GPHN: variants seen among roughly 807,000 people sequenced by gnomAD.
GPHN encodes the protein gephyrin.
In GPHN, 17 loss-of-function variants were observed where a neutral mutation model predicts 95.5. That is an observed-to-expected ratio of 0.18 (90% CI 0.12 to 0.27). GPHN has a LOEUF of 0.27. GPHN is among the 10% of genes least tolerant of loss of function. The pLI is 1.00. For synonymous variants in GPHN, 320 were observed against 322.5 expected, an observed-to-expected ratio of 0.99 and a Z score of 0.08; for missense variants, 660 against 978.1, an observed-to-expected ratio of 0.67 and a Z score of 4.34.
At chr14:66,720,560 T>A (rs1175513150) in intron 2 of GPHN, among the ~76,000 whole-genome samples, 1 of 152,188 alleles carries the variant, frequency 6.6e-6, no homozygotes, top group Non-Finnish European at 1.5e-5. Flanking sequence ...CCAGGGGGCC[T>A]TATTAGCATT....
At chr14:67,575,896 A>G in the GPHN span, 32 of 1,613,780 alleles carry the variant, frequency 2.0e-5, 1 homozygote, top group East Asian at 6.9e-4. Context: ...TCAGACGAGG[A>G]CTATGAGGCT....
intron 4 of GPHN, among the ~76,000 whole-genome samples, chr14:66,876,673 C>T (rs878855874): frequency 1.3e-5 from 2 of 152,048 alleles, no homozygotes; most frequent in Admixed American, 1.3e-4. Context: ...TGGACACATA[C>T]ACCCCCCCAA....
At chr14:67,631,589 C>A in the GPHN span, among the ~76,000 whole-genome samples, 1 of 151,992 alleles carries the variant, frequency 6.6e-6, no homozygotes, top group Non-Finnish European at 1.5e-5. Context: ...GGACATGCCA[C>A]CACACCAGTT....
At chr14:67,587,154 A>G in the GPHN span, 1 of 1,613,880 alleles carries the variant, frequency 6.2e-7, no homozygotes. Flanking sequence ...ACCCACCCGG[A>G]GCCTGCCAGC....
chr14:67,182,937 C>G (rs1440118982), downstream of GPHN, among the ~76,000 whole-genome samples: 1 of 150,484 alleles, frequency 6.6e-6, no homozygotes, highest in Non-Finnish European at 1.5e-5. Flanking sequence ...CCTCGAACTC[C>G]TGGCCTCAAG....
the GPHN span, among the ~76,000 whole-genome samples, chr14:67,523,736 T>G: frequency 1.3e-5 from 2 of 152,262 alleles, no homozygotes; most frequent in Admixed American, 6.5e-5. Context: ...GTTAAAAGAT[T>G]CTGCCTTTCT....
At chr14:66,729,122 T>C (rs2071522948) in intron 2 of GPHN, among the ~76,000 whole-genome samples, 2 of 152,148 alleles carry the variant, frequency 1.3e-5, no homozygotes, top group Admixed American at 6.5e-5. Flanking sequence ...AAAACATGGC[T>C]TGCTCCTCCT....
chr14:66,633,470 C>T (rs74057215), intron 1 of GPHN, among the ~76,000 whole-genome samples: 10,264 of 151,996 alleles, frequency 0.068, 844 homozygotes, highest in African/African-American at 0.19. Flanking sequence ...TTCTGTTTGG[C>T]TTCATTTTAG....
chr14:67,716,928 A>G, the GPHN span, among the ~76,000 whole-genome samples: 3 of 152,058 alleles, frequency 2.0e-5, no homozygotes, highest in African/African-American at 7.2e-5. Flanking sequence ...ATATATCCAT[A>G]ACCTAGATTC....
At chr14:66,708,219 A>G (rs1441344701) in intron 2 of GPHN, among the ~76,000 whole-genome samples, 1 of 152,090 alleles carries the variant, frequency 6.6e-6, no homozygotes, top group Non-Finnish European at 1.5e-5. Flanking sequence ...AACTTCAAAA[A>G]AAAAAATGGC....
intron 4 of GPHN, among the ~76,000 whole-genome samples, chr14:66,873,585 C>T (rs1019490361): frequency 6.6e-6 from 1 of 152,068 alleles, no homozygotes; most frequent in Non-Finnish European, 1.5e-5. Flanking sequence ...GGGGAGGGGG[C>T]GTCCACCATT....
At chr14:66,865,088 G>C (rs2063176402) in intron 4 of GPHN, among the ~76,000 whole-genome samples, 1 of 152,162 alleles carries the variant, frequency 6.6e-6, no homozygotes, top group Non-Finnish European at 1.5e-5. Context: ...GAGATATATA[G>C]TAGAAGGATG....
chr14:66,739,337 C>T (rs1241731313), intron 2 of GPHN, among the ~76,000 whole-genome samples: 7 of 151,434 alleles, frequency 4.6e-5, no homozygotes, highest in African/African-American at 1.7e-4. Flanking sequence ...CTGCCTCAGC[C>T]TCCCGAGTAG....
chr14:67,537,794 AT>A, the GPHN span, among the ~76,000 whole-genome samples: 3 of 152,136 alleles, frequency 2.0e-5, no homozygotes, highest in Admixed American at 6.5e-5. Flanking sequence ...GAGTCACCTA[AT>A]GACTTCCTGT....
chr14:67,584,270 T>G, the GPHN span: 1 of 748,656 alleles, frequency 1.3e-6, no homozygotes, highest in South Asian at 1.8e-5. Context: ...CTAGTCCAGC[T>G]TTCCACAGTC....
At chr14:67,203,104 G>C in the GPHN span, 2 of 1,612,782 alleles carry the variant, frequency 1.2e-6, no homozygotes, top group Non-Finnish European at 1.7e-6. Flanking sequence ...GTCAACAGAA[G>C]AGGTGAATCC....
intron 1 of GPHN, among the ~76,000 whole-genome samples, chr14:66,609,375 T>A (rs1349185043): frequency 6.6e-6 from 1 of 151,816 alleles, no homozygotes; most frequent in Non-Finnish European, 1.5e-5. Flanking sequence ...GCCTTTAAGA[T>A]TTTTTCTTTA....
chr14:66,589,771 A>G (rs1415632532), intron 1 of GPHN, among the ~76,000 whole-genome samples: 2 of 152,154 alleles, frequency 1.3e-5, no homozygotes, highest in Admixed American at 6.5e-5. Context: ...AGACAGCTCA[A>G]TGAGACAGAA....
intron 1 of GPHN, among the ~76,000 whole-genome samples, chr14:66,561,923 A>G (rs72724585): frequency 0.025 from 3,826 of 152,058 alleles, 74 homozygotes; most frequent in Middle Eastern, 0.044. Flanking sequence ...GGCTGCCTGC[A>G]TACCTTAGCT....
Sources: gnomAD v4.1 joint callset for allele counts (sites outside exome capture counted in the v4.1 genomes callset) on GRCh38, gnomAD v4.1.1 for gene constraint, MANE v1.5 for transcripts, NCBI Gene and HGNC (gene_info 2026-07-23, HGNC 2026-07-21) for gene names.